Variants in EVI5 observed in about 807,000 individuals in gnomAD.
EVI5 encodes the protein ecotropic viral integration site 5 protein homolog.
Under a neutral mutation model 112.0 loss-of-function variants are expected in EVI5, and 73 were observed. The ratio of observed to expected loss-of-function variants is 0.65; its 90% confidence interval spans 0.54 to 0.79. The LOEUF (loss-of-function observed/expected upper bound fraction) is 0.79, where lower values mean the gene tolerates loss of function less well. EVI5 is among the 30% of genes least tolerant of loss of function. EVI5 has a pLI of 0.00. For synonymous variants in EVI5, 305 were observed against 319.9 expected (o/e 0.95, Z 0.50); for missense variants, 900 against 968.8 (o/e 0.93, Z 0.94).
At chr1:92,689,477 C>T (rs949876845) in intron 9 of EVI5, among the ~76,000 whole-genome samples, 1 of 152,074 alleles carries the variant, frequency 6.6e-6, no homozygotes, top group African/African-American at 2.4e-5. Context: ...ATCCTCCCAC[C>T]TTGGCTTCTT....
intron 19 of EVI5, among the ~76,000 whole-genome samples, chr1:92,515,179 G>T (rs915963157): frequency 2.6e-5 from 4 of 152,178 alleles, no homozygotes; most frequent in Admixed American, 2.6e-4. Context: ...TATAGTACAA[G>T]ACCCTCACAT....
chr1:92,584,088 C>A (rs1401230660), intron 18 of EVI5, among the ~76,000 whole-genome samples: 1 of 151,960 alleles, frequency 6.6e-6, no homozygotes, highest in African/African-American at 2.4e-5. Flanking sequence ...CAAACACAAG[C>A]GTAAAGCTTT....
At chr1:92,662,886 T>C (rs1217153578) in intron 12 of EVI5, 21 bp from the exon 13 acceptor site, 1 of 1,261,380 alleles carries the variant, frequency 7.9e-7, no homozygotes, top group East Asian at 5.8e-5. Flanking sequence ...AATTTTTGTG[T>C]GTGTAAAGCA....
At chr1:92,782,589 A>C (rs1203016268) in intron 1 of EVI5, among the ~76,000 whole-genome samples, 2 of 152,194 alleles carry the variant, frequency 1.3e-5, no homozygotes, top group Non-Finnish European at 1.5e-5. Context: ...ACTAGCAAAA[A>C]AAATTTCAAC....
At chr1:92,760,356 T>C (rs1042893280) in intron 1 of EVI5, among the ~76,000 whole-genome samples, 6 of 152,174 alleles carry the variant, frequency 3.9e-5, no homozygotes, top group African/African-American at 1.2e-4. Context: ...TTTTTCTTTT[T>C]TCCTGTTCTG....
At chr1:92,666,456 A>G (rs867561629) in intron 10 of EVI5, among the ~76,000 whole-genome samples, 2 of 43,000 alleles carry the variant, frequency 4.7e-5, no homozygotes, top group Non-Finnish European at 9.0e-5. Context: ...CTGAGGTGGG[A>G]GGCTGGGAGG....
At chr1:92,704,457 T>TGGAAGTTGTATTTG in intron 3 of EVI5, 98 bp downstream of exon 3, 1 of 693,640 alleles carries the variant, frequency 1.4e-6, no homozygotes, top group South Asian at 2.7e-5. Context: ...ATATATAGCT[T>TGGAAGTTGTATTTG]GGAAGTTGTA....
At chr1:92,559,213 A>G (rs1226615261) in intron 19 of EVI5, among the ~76,000 whole-genome samples, 5 of 152,196 alleles carry the variant, frequency 3.3e-5, no homozygotes, top group Non-Finnish European at 5.9e-5. Flanking sequence ...GATGTTCAGT[A>G]CAGATACAGA....
intron 1 of EVI5, among the ~76,000 whole-genome samples, chr1:92,739,090 T>G (rs1384545861): frequency 6.6e-6 from 1 of 151,818 alleles, no homozygotes; most frequent in Non-Finnish European, 1.5e-5. Flanking sequence ...TTGGCCAACA[T>G]GACAAAACCC....
At position 92,590,690 on chromosome 1, in the gene EVI5, C is replaced by G. The variant is rs144767925; in HGVS notation, c.2070+14617G>C. 6.3e-3 allele frequency among the ~76,000 whole-genome samples: 965 copies of G among 152,308 alleles called. 5 individuals carry two copies. The highest frequency in any genetic ancestry group is 0.013 in the Admixed American group (192 of 15,296). The stretch of plus-strand genomic sequence containing the variant: ...TGGAACCAAGGTGGAAAACACTCTG[C>G]AGGATACTATCCAGGAGAACTTTCC... On this transcript the variant is annotated intron_variant, in intron 18 of 19. Transcript: ENST00000684568.
chr1:92,666,789 T>C (rs148013713), intron 10 of EVI5, among the ~76,000 whole-genome samples: 3,553 of 152,240 alleles, frequency 0.023, 70 homozygotes, highest in Non-Finnish European at 0.037. Context: ...ACAGTACATA[T>C]AGAAATAAGC....
intron 19 of EVI5, among the ~76,000 whole-genome samples, chr1:92,558,630 T>C (rs1267698021): frequency 6.6e-6 from 1 of 152,082 alleles, no homozygotes. Context: ...AATTTCCCTG[T>C]TCTCACTCTT....
At chr1:92,755,374 G>A (rs1174389224) in intron 1 of EVI5, among the ~76,000 whole-genome samples, 1 of 152,046 alleles carries the variant, frequency 6.6e-6, no homozygotes, top group Non-Finnish European at 1.5e-5. Context: ...TCACACCACT[G>A]CACTCCAGCC....
intron 16 of EVI5, among the ~76,000 whole-genome samples, chr1:92,617,722 G>A (rs565092475): frequency 2.6e-5 from 4 of 152,310 alleles, no homozygotes; most frequent in African/African-American, 9.6e-5. Context: ...TCCTCACGGT[G>A]ATCAGCTAGC....
intron 1 of EVI5, among the ~76,000 whole-genome samples, chr1:92,782,253 T>A (rs1684960073): frequency 6.6e-6 from 1 of 151,594 alleles, no homozygotes; most frequent in Non-Finnish European, 1.5e-5. Flanking sequence ...TGAGACTCCA[T>A]CTTACAAAAC....
At chr1:92,625,661 AT>A (rs1407713933) in intron 15 of EVI5, 132 bp downstream of exon 15, 6 of 643,944 alleles carry the variant, frequency 9.3e-6, no homozygotes, top group Non-Finnish European at 1.6e-5. Context: ...AATACTCTCA[AT>A]TTTGACATTA....
rs1571843188 is a variant in EVI5, at chr1:92,604,869, T to C, written c.2070+438A>G. ...CATCCTATGGGACCATTACCATATA[T>C]GCTGTCCGTCACTGAAATGTCCTTA... is the stretch of plus-strand genomic sequence containing the variant. On this transcript the variant is annotated intron_variant, in intron 18 of 19. Coordinates refer to ENST00000684568, the MANE Select transcript of EVI5 (RefSeq NM_001350197.2). Among the ~76,000 whole-genome samples, 4 of 152,168 alleles carry C rather than the reference T, an allele frequency of 2.6e-5. 1 individual carries two copies. Among genetic ancestry groups the C allele is most frequent in the Admixed American group, 2.6e-4 (4 of 15,272 alleles).
chr1:92,629,448 T>C (rs1322834434), intron 14 of EVI5, among the ~76,000 whole-genome samples: 1 of 152,174 alleles, frequency 6.6e-6, no homozygotes, highest in African/African-American at 2.4e-5. Context: ...ATTTGGAGTT[T>C]GTAATCTAGA....
At chr1:92,529,494 C>CA (rs1662479627) in intron 19 of EVI5, among the ~76,000 whole-genome samples, 1 of 152,116 alleles carries the variant, frequency 6.6e-6, no homozygotes, top group East Asian at 1.9e-4. Flanking sequence ...TGTATTCATG[C>CA]AAACTGCCTA....
Sources: gnomAD v4.1 joint callset for allele counts (sites outside exome capture counted in the v4.1 genomes callset) on GRCh38, gnomAD v4.1.1 for gene constraint, MANE v1.5 for transcripts, NCBI Gene and HGNC (gene_info 2026-07-23, HGNC 2026-07-21) for gene names.